Variants in ZNF100 observed in about 807,000 individuals in gnomAD.
ZNF100 encodes the protein zinc finger protein 100.
Under a neutral mutation model 15.8 loss-of-function variants are expected in ZNF100, and 12 were observed. The ratio of observed to expected loss-of-function variants is 0.76; its 90% CI spans 0.49 to 1.23. ZNF100 has a LOEUF of 1.23. ZNF100 is among the 50% of genes most tolerant of loss of function. The probability of loss-of-function intolerance (pLI) is 0.00; values close to 1 mark genes in which losing one functional copy is unlikely to be tolerated. For synonymous variants in ZNF100, 226 were observed against 214.8 expected (o/e 1.05, Z -0.45); for missense variants, 670 against 635.6 (o/e 1.05, Z -0.58).
chr19:21,744,258 T>A, intron 3 of ZNF100, 143 bp from the exon 4 acceptor site: 1 of 808,104 alleles, frequency 1.2e-6, no homozygotes, highest in Non-Finnish European at 1.7e-6. Flanking sequence ...TCTAAATATT[T>A]AGAAAATATT....
Position 21,725,128 on chromosome 19 carries a change from A to AG in ZNF100, c.*1554dup, listed in dbSNP as rs1441328841. On this transcript the variant is annotated 3_prime_UTR_variant, in exon 5 of 5. Transcript: ENST00000358296. ...TAACTTATTTGCAGTCAAAGCCACTAGCAAAAGAGATTACTAGAGATGTTA... is the reference window on the plus strand; with the variant it reads ...TAACTTATTTGCAGTCAAAGCCACTAGGCAAAAGAGATTACTAGAGATGTTA... 1 of 152,216 alleles carries AG rather than the reference A, an allele frequency of 6.6e-6. No homozygotes were observed. Among genetic ancestry groups the AG allele is most frequent in the African/African-American group, 2.4e-5 (1 of 41,458 alleles). 9.4% of individuals were successfully genotyped at this position (152,216 alleles called of 1,614,324 possible). A position where few individuals can be genotyped will look rare whatever the true frequency, so the allele number is the denominator to read the frequency against.
intron 2 of ZNF100, among the ~76,000 whole-genome samples, chr19:21,754,065 C>T (rs6511289): frequency 1 from 152,208 of 152,364 alleles, 76,026 homozygotes; most frequent in Non-Finnish European, 1. Flanking sequence ...CTCCTACTTA[C>T]TCAAATCTAA....
intron 2 of ZNF100, chr19:21,750,876 C>T: frequency 1.8e-6 from 1 of 547,852 alleles, no homozygotes; most frequent in Non-Finnish European, 3.2e-6. Context: ...ATTGCGTGTC[C>T]CCCCAGTACC....
chr19:21,739,501 A>T (rs1213110476), intron 4 of ZNF100, among the ~76,000 whole-genome samples: 2 of 152,152 alleles, frequency 1.3e-5, no homozygotes, highest in Non-Finnish European at 1.5e-5. Context: ...GGTTGCAGTG[A>T]GCCAAAATTA....
chr19:21,757,194 T>C (rs182433404), intron 2 of ZNF100, among the ~76,000 whole-genome samples: 16 of 152,236 alleles, frequency 1.1e-4, no homozygotes, highest in African/African-American at 3.6e-4. Flanking sequence ...TTCTAGCACT[T>C]TGGGAGCCCA....
In ZNF100 at chr19:21,724,446, T is replaced by C. The variant is rs1030985080; in HGVS notation, c.*2237A>G. ...AGGAAACATGCTCAAAAAATAAATA[T>C]TAGAAAACTTTAAAAATACTTATTC... On this transcript the variant is annotated 3_prime_UTR_variant, in exon 5 of 5. Transcript: ENST00000358296. The C allele has an allele frequency of 6.6e-6, 1 of 152,126 alleles. No homozygotes were observed. Among genetic ancestry groups the C allele is most frequent in the African/African-American group, 2.4e-5 (1 of 41,428 alleles). 9.4% of individuals were successfully genotyped at this position (152,126 alleles called of 1,614,324 possible). A position where few individuals can be genotyped will look rare whatever the true frequency, so the allele number is the denominator to read the frequency against.
chr19:21,741,245 C>A (rs963794874), intron 4 of ZNF100, among the ~76,000 whole-genome samples: 1 of 152,060 alleles, frequency 6.6e-6, no homozygotes, highest in Non-Finnish European at 1.5e-5. Context: ...TTGTCAAGGG[C>A]TGGGGAGAGG....
intron 2 of ZNF100, among the ~76,000 whole-genome samples, chr19:21,748,493 C>T (rs2036249507): frequency 6.6e-6 from 1 of 152,132 alleles, no homozygotes; most frequent in Non-Finnish European, 1.5e-5. Context: ...TCTATTTTTG[C>T]CACTGCTCTG....
chr19:21,722,920 T>G lies in ZNF100; in HGVS notation c.*3763A>C, dbSNP rs1359106748. ...GTTTGCCACACTTTAAGAATCTAAT[T>G]TTTTTTTTAACAAAGAACAACTATT... On this transcript the variant is annotated 3_prime_UTR_variant, in exon 5 of 5. Coordinates refer to ENST00000358296, the MANE Select transcript of ZNF100 (RefSeq NM_173531.4). The G allele has an allele frequency of 6.9e-6, 1 of 145,282 alleles. No homozygotes were observed. The highest frequency in any genetic ancestry group is 1.5e-5 in the Non-Finnish European group (1 of 65,798). 9.0% of individuals were successfully genotyped at this position (145,282 alleles called of 1,614,324 possible).
chr19:21,754,370 A>C (rs944642311), intron 2 of ZNF100, among the ~76,000 whole-genome samples: 4 of 152,326 alleles, frequency 2.6e-5, no homozygotes, highest in African/African-American at 9.6e-5. Context: ...AAAGTTAATA[A>C]ACTCTTTTAA....
chr19:21,766,644 G>A (rs2036567729), intron 1 of ZNF100, among the ~76,000 whole-genome samples: 1 of 152,066 alleles, frequency 6.6e-6, no homozygotes, highest in Non-Finnish European at 1.5e-5. Flanking sequence ...CTCTCCCATA[G>A]ACAACAAACT....
At chr19:21,737,251 C>A (rs967298070) in intron 4 of ZNF100, among the ~76,000 whole-genome samples, 1 of 151,910 alleles carries the variant, frequency 6.6e-6, no homozygotes, top group Non-Finnish European at 1.5e-5. Flanking sequence ...CAGGGCTTGG[C>A]GTGGTAGATC....
At position 21,727,314 on chromosome 19, in the gene ZNF100, G is replaced by A. The variant is rs1568286971; in HGVS notation, c.998C>T (p.Thr333Ile). 2 of 1,612,850 alleles carry A rather than the reference G, an allele frequency of 1.2e-6. No individual in the cohort carries two copies. Among genetic ancestry groups the A allele is most frequent in the South Asian group, 1.1e-5 (1 of 91,070 alleles). ...TCCAGTATGAATTATCCTGTGTGTA[G>A]TAAGGTGTGAGGACCGGTTAAAAGC... Reference protein sequence around the residue: ...GKAFNRSSHLTTHRIIHTGEK... With the variant: ...GKAFNRSSHLITHRIIHTGEK... The change falls in exon 5 of 5, where the codon ACT (threonine) becomes ATT (isoleucine). Residue 333 changes from threonine (T) to isoleucine (I), a missense_variant. Thr to Ile is a moderately conservative substitution (Grantham distance 89). Transcript: ENST00000358296.
intron 4 of ZNF100, among the ~76,000 whole-genome samples, chr19:21,733,628 CCT>C (rs2035958674): frequency 6.6e-6 from 1 of 152,258 alleles, no homozygotes; most frequent in Admixed American, 6.5e-5. Flanking sequence ...AGTCTTTCCC[CCT>C]GCTGGCTGAG....
At chr19:21,740,500 C>A (rs2036089246) in intron 4 of ZNF100, among the ~76,000 whole-genome samples, 1 of 151,532 alleles carries the variant, frequency 6.6e-6, no homozygotes, top group South Asian at 2.1e-4. Context: ...AAAAAACATT[C>A]AACTGTGTAA....
At position 21,727,260 on chromosome 19, in the gene ZNF100, C is replaced by T; in HGVS notation, c.1052G>A (p.Gly351Asp). The part of the protein sequence containing the change: ...GEKPYKCEEC[G>D]KAFNQSSTLT... The stretch of plus-strand genomic sequence containing the variant: ...GGTTGAGGACTGGTTAAAGGCTTTG[C>T]CACATTCTTCACATTTGTAGGGTTT... Residue 351 changes from glycine to aspartate, a missense_variant, in exon 5 of 5, where the codon GGC becomes GAC. Physicochemically the swap from Gly to Asp is moderately conservative, Grantham distance 94. Transcript: ENST00000358296. 6.2e-7 allele frequency: 1 copy of T among 1,613,614 alleles called. No homozygotes were observed. The highest frequency in any genetic ancestry group is 8.5e-7 in the Non-Finnish European group (1 of 1,179,908).
chr19:21,751,533 A>G (rs1454535744), intron 2 of ZNF100: 4 of 1,191,558 alleles, frequency 3.4e-6, no homozygotes, highest in Non-Finnish European at 5.0e-6. Flanking sequence ...TGCCCCACTA[A>G]CTAGAAAAGG....
In ZNF100 at chr19:21,751,433, C is replaced by T. The variant is rs906944502; in HGVS notation, c.97-6366G>A. 7 of 838,776 alleles carry T rather than the reference C, an allele frequency of 8.3e-6. No homozygotes were observed. The African/African-American group carries it at 1.2e-4, about 14-fold the overall frequency. The allele number at this position is 838,776 out of a possible 1,614,324, so 52.0% of individuals were successfully genotyped here. ...ATTTATTTACAGATTTGTTCATACT[C>T]TTTTTAGTGCTGCACAGCTAACAGC... On this transcript the variant is annotated intron_variant, in intron 2 of 4. Coordinates refer to ENST00000358296, the MANE Select transcript of ZNF100 (RefSeq NM_173531.4).
chr19:21,750,077 T>C (rs976507630), intron 2 of ZNF100, among the ~76,000 whole-genome samples: 1 of 152,128 alleles, frequency 6.6e-6, no homozygotes, highest in African/African-American at 2.4e-5. Flanking sequence ...TGAATATAAG[T>C]AGAGAGTTCA....
Sources: allele counts gnomAD v4.1 joint callset (sites outside exome capture counted in the v4.1 genomes callset), GRCh38; gene constraint gnomAD v4.1.1; transcripts MANE v1.5; gene names NCBI Gene and HGNC (gene_info 2026-07-23, HGNC 2026-07-21).